NIPAL2: variants seen among roughly 807,000 people sequenced by gnomAD.
NIPAL2 encodes the protein NIPA-like protein 2.
In NIPAL2, 43 loss-of-function variants were observed where a neutral mutation model predicts 48.9. The ratio of observed to expected loss-of-function variants is 0.88; its 90% CI spans 0.69 to 1.13. The LOEUF (loss-of-function observed/expected upper bound fraction) is 1.13. Ranked by LOEUF, NIPAL2 falls within the 50% of genes most tolerant of loss-of-function variation. The pLI, the probability that NIPAL2 is intolerant of heterozygous loss-of-function variation, is 0.00. For missense variants in NIPAL2, 446 were observed against 461.4 expected (o/e 0.97, Z 0.31); for synonymous variants, 167 against 174.6 (o/e 0.96, Z 0.34).
In NIPAL2 at chr8:98,233,903, T is replaced by G. The variant is rs553300602; in HGVS notation, c.436+2252A>C. On this transcript the variant is annotated intron_variant, in intron 4 of 10. Transcript: ENST00000430223. Reference sequence around the variant, plus strand: ...ATGTCCTCCTCCAAATTATTGGATGTAGCCTATGCCTGTCCTGCCCAGCTG... The same window carrying G: ...ATGTCCTCCTCCAAATTATTGGATGGAGCCTATGCCTGTCCTGCCCAGCTG... 3.3e-5 allele frequency among the ~76,000 whole-genome samples: 5 copies of G among 152,346 alleles called. No homozygotes were observed. The East Asian group carries it at 9.6e-4, about 29-fold the overall frequency.
chr8:98,246,631 T>G (rs1813321751), intron 3 of NIPAL2, among the ~76,000 whole-genome samples: 1 of 152,224 alleles, frequency 6.6e-6, no homozygotes, highest in South Asian at 2.1e-4. Flanking sequence ...ATACCTGGCA[T>G]AGTGGATGCT....
chr8:98,278,527 C>T (rs1815613585), intron 1 of NIPAL2, among the ~76,000 whole-genome samples: 1 of 152,140 alleles, frequency 6.6e-6, no homozygotes, highest in African/African-American at 2.4e-5. Flanking sequence ...TTCCTTAGAT[C>T]CATCTTCCAG....
intron 6 of NIPAL2, among the ~76,000 whole-genome samples, chr8:98,208,228 T>G (rs889210616): frequency 6.6e-6 from 1 of 152,250 alleles, no homozygotes; most frequent in African/African-American, 2.4e-5. Flanking sequence ...CCATTTTTTC[T>G]AAACATGTGC....
intron 1 of NIPAL2, among the ~76,000 whole-genome samples, chr8:98,289,215 T>A (rs1355857902): frequency 6.6e-6 from 1 of 152,230 alleles, no homozygotes; most frequent in Non-Finnish European, 1.5e-5. Context: ...TTTTTCCTCA[T>A]ATAAATGATT....
At chr8:98,264,810 C>T (rs1475428267) in intron 1 of NIPAL2, among the ~76,000 whole-genome samples, 4 of 152,282 alleles carry the variant, frequency 2.6e-5, no homozygotes, top group Admixed American at 1.3e-4. Context: ...CAAAAAGGAG[C>T]CTGCATTGCC....
intron 3 of NIPAL2, among the ~76,000 whole-genome samples, chr8:98,250,822 G>A (rs1028294277): frequency 6.6e-6 from 1 of 152,118 alleles, no homozygotes; most frequent in Non-Finnish European, 1.5e-5. Context: ...TTCAGGTTTC[G>A]ATGAGAGCTT....
intron 3 of NIPAL2, among the ~76,000 whole-genome samples, chr8:98,249,685 TAATC>T (rs1248559346): frequency 2.7e-5 from 4 of 147,264 alleles, no homozygotes; most frequent in South Asian, 2.1e-4. Flanking sequence ...ATATTAAAGA[TAATC>T]AATATAATTA....
At chr8:98,197,505 T>C (rs73283709) in intron 8 of NIPAL2, among the ~76,000 whole-genome samples, 5,229 of 152,284 alleles carry the variant, frequency 0.034, 304 homozygotes, top group African/African-American at 0.12. Context: ...CCACATCGAT[T>C]AACTCTTTCA....
intron 1 of NIPAL2, among the ~76,000 whole-genome samples, chr8:98,257,554 G>T (rs1426384701): frequency 6.6e-6 from 1 of 151,902 alleles, no homozygotes; most frequent in Non-Finnish European, 1.5e-5. Flanking sequence ...ACCACACCCG[G>T]CCTATTTCTT....
At chr8:98,267,174 G>A (rs1814824152) in intron 1 of NIPAL2, among the ~76,000 whole-genome samples, 1 of 151,980 alleles carries the variant, frequency 6.6e-6, no homozygotes, top group Non-Finnish European at 1.5e-5. Context: ...TGATATTTTG[G>A]TTTTCTTAAT....
At chr8:98,244,367 G>A (rs1351828822) in intron 3 of NIPAL2, among the ~76,000 whole-genome samples, 1 of 49,092 alleles carries the variant, frequency 2.0e-5, no homozygotes, top group African/African-American at 7.6e-5. Flanking sequence ...GTGATGAGGG[G>A]TAGTCTGTAA....
chr8:98,263,260 G>A (rs1279511819), intron 1 of NIPAL2, among the ~76,000 whole-genome samples: 2 of 141,802 alleles, frequency 1.4e-5, no homozygotes, highest in Non-Finnish European at 1.5e-5. Flanking sequence ...CTAGCAGAAG[G>A]CAAGAAATAA....
intron 1 of NIPAL2, among the ~76,000 whole-genome samples, chr8:98,271,216 C>A (rs1428821725): frequency 2.0e-5 from 3 of 151,822 alleles, no homozygotes; most frequent in Non-Finnish European, 2.9e-5. Context: ...AGAACAGTTT[C>A]TTCTAATTCT....
intron 5 of NIPAL2, among the ~76,000 whole-genome samples, chr8:98,220,683 C>T (rs930378037): frequency 1.3e-5 from 2 of 152,136 alleles, no homozygotes; most frequent in Non-Finnish European, 1.5e-5. Context: ...TGTTGGGTAA[C>T]AGATGTACAC....
intron 3 of NIPAL2, chr8:98,251,736 G>C (rs536331162): frequency 4.1e-4 from 62 of 152,252 alleles, no homozygotes; most frequent in African/African-American, 1.5e-3. Context: ...TGATCTAGTT[G>C]TTAACAGCTA....
chr8:98,210,817 A>G (rs1483588086), intron 6 of NIPAL2, among the ~76,000 whole-genome samples: 1 of 152,220 alleles, frequency 6.6e-6, no homozygotes, highest in African/African-American at 2.4e-5. Flanking sequence ...CTCACTTAAT[A>G]TCTTCTGCCT....
At chr8:98,200,451 T>C (rs370464089) in intron 8 of NIPAL2, among the ~76,000 whole-genome samples, 2 of 152,242 alleles carry the variant, frequency 1.3e-5, no homozygotes, top group African/African-American at 4.8e-5. Flanking sequence ...TGTTGTGGCA[T>C]GTGTTATAAT....
chr8:98,220,964 C>CTTTTTTTTTTTTTTTT (rs557824737), intron 5 of NIPAL2, among the ~76,000 whole-genome samples: 4 of 68,636 alleles, frequency 5.8e-5, no homozygotes, highest in Non-Finnish European at 7.6e-5. Flanking sequence ...TCATTTCATT[C>CTTTTTTTTTTTTTTTT]TTTTTTTTTT....
chr8:98,212,858 G>T (rs145855681), intron 5 of NIPAL2, among the ~76,000 whole-genome samples: 1 of 151,964 alleles, frequency 6.6e-6, no homozygotes, highest in African/African-American at 2.4e-5. Context: ...GTTCCTCCAG[G>T]GCCTTTGCCT....
Sources: allele counts gnomAD v4.1 joint callset (sites outside exome capture counted in the v4.1 genomes callset), GRCh38; gene constraint gnomAD v4.1.1; transcripts MANE v1.5; gene names NCBI Gene and HGNC (gene_info 2026-07-23, HGNC 2026-07-21).